MRPS31: variants seen among roughly 807,000 people sequenced by gnomAD.
The protein encoded by MRPS31 is small ribosomal subunit protein mS31.
In MRPS31, 32 loss-of-function variants were observed where a neutral mutation model predicts 43.1. That is an observed-to-expected ratio of 0.74 (90% CI 0.56 to 1.00). MRPS31 has a LOEUF of 1.00. Among genes scored for constraint, MRPS31 ranks in the 50% least tolerant of loss-of-function variants. The pLI, the probability that MRPS31 is intolerant of heterozygous loss-of-function variation, is 0.00. For synonymous variants in MRPS31, 165 were observed against 161.6 expected, an observed-to-expected ratio of 1.02 and a Z score of -0.16; for missense variants, 437 against 466.7, an observed-to-expected ratio of 0.94 and a Z score of 0.59.
chr13:40,758,854 C>G (rs532426972), intron 3 of MRPS31, 94 bp downstream of exon 3: 1 of 1,132,598 alleles, frequency 8.8e-7, no homozygotes, highest in Admixed American at 3.1e-5. Flanking sequence ...ATTCCACTTA[C>G]GTGGTATATA....
intron 1 of MRPS31, 52 bp from the exon 2 acceptor site, chr13:40,767,085 A>G (rs2138019818): frequency 7.0e-7 from 1 of 1,429,814 alleles, no homozygotes; most frequent in Middle Eastern, 2.2e-4. Context: ...AGTCTACAAT[A>G]AAGTAAAAAA....
chr13:40,770,147 C>T (rs1226289741), intron 1 of MRPS31, among the ~76,000 whole-genome samples: 2 of 152,228 alleles, frequency 1.3e-5, no homozygotes, highest in Non-Finnish European at 2.9e-5. Flanking sequence ...GACTACCCTA[C>T]CATTATCCCA....
intron 6 of MRPS31, among the ~76,000 whole-genome samples, chr13:40,741,935 T>A (rs1307568690): frequency 8.2e-6 from 1 of 121,480 alleles, no homozygotes; most frequent in African/African-American, 4.1e-5. Context: ...ACACACACAC[T>A]GCAGGACAAT....
At chr13:40,740,679 C>A (rs1179814943) in intron 6 of MRPS31, among the ~76,000 whole-genome samples, 1 of 140,592 alleles carries the variant, frequency 7.1e-6, no homozygotes, top group Non-Finnish European at 1.5e-5. Flanking sequence ...AGTAAACTAT[C>A]GCAAGAACAA....
intron 6 of MRPS31, among the ~76,000 whole-genome samples, chr13:40,747,294 C>T (rs1880266028): frequency 6.6e-6 from 1 of 152,020 alleles, no homozygotes; most frequent in African/African-American, 2.4e-5. Flanking sequence ...TTGGAACACC[C>T]AAGTTTCTTC....
chr13:40,748,030 A>G (rs573387247), intron 6 of MRPS31, among the ~76,000 whole-genome samples: 2 of 152,324 alleles, frequency 1.3e-5, no homozygotes, highest in African/African-American at 4.8e-5. Context: ...ATTATCAAAA[A>G]TTAAGATATT....
chr13:40,744,921 T>C (rs1367899582), intron 6 of MRPS31, among the ~76,000 whole-genome samples: 4 of 140,940 alleles, frequency 2.8e-5, no homozygotes, highest in Non-Finnish European at 6.2e-5. Flanking sequence ...GCCCATTTTA[T>C]TTTTATTTAT....
At chr13:40,743,082 CA>C (rs1880146286) in intron 6 of MRPS31, among the ~76,000 whole-genome samples, 1 of 152,122 alleles carries the variant, frequency 6.6e-6, no homozygotes, top group Admixed American at 6.5e-5. Context: ...GAAGCTGAGG[CA>C]GGCAGATCAC....
chr13:40,757,450 T>C (rs1293870280), intron 3 of MRPS31, among the ~76,000 whole-genome samples: 3 of 147,198 alleles, frequency 2.0e-5, no homozygotes, highest in African/African-American at 7.5e-5. Flanking sequence ...CTTTTTTTTT[T>C]TTTTTTTTTT....
intron 2 of MRPS31, among the ~76,000 whole-genome samples, chr13:40,761,504 ACT>A (rs1880694171): frequency 6.6e-6 from 1 of 152,146 alleles, no homozygotes; most frequent in Non-Finnish European, 1.5e-5. Flanking sequence ...ATGTAGTTAT[ACT>A]CTCTGGCTTT....
intron 3 of MRPS31, among the ~76,000 whole-genome samples, chr13:40,757,864 C>T (rs1275027769): frequency 2.0e-5 from 3 of 149,970 alleles, no homozygotes; most frequent in South Asian, 2.2e-4. Context: ...CTCCCAAGGC[C>T]GGGTGCAGTG....
In MRPS31 at chr13:40,729,376, T is replaced by C. The variant is rs762497106; in HGVS notation, c.1184A>G (p.Asn395Ser). ...GAAATAAAAATTTCCATGGTCTTAA[T>C]TGAACTGTATGTTACTTTCTTTTAG... ...DILKESNIQF[N>S] is the part of the protein sequence containing the mutation. The change falls in exon 7 of 7, where the codon AAT becomes AGT. Residue 395 changes from asparagine to serine, a missense_variant. Physicochemically the swap from Asn to Ser is conservative, Grantham distance 46 (BLOSUM62 1). Transcript: ENST00000323563. 3.3e-5 allele frequency: 48 copies of C among 1,444,294 alleles called. No individual in the cohort carries two copies. The East Asian group carries it at 3.6e-4, about 11-fold the overall frequency. The allele number at this position is 1,444,294 out of a possible 1,614,324, so 89.5% of individuals were successfully genotyped here. A position where few individuals can be genotyped will look rare whatever the true frequency, so the allele number is the denominator to read the frequency against.
chr13:40,735,767 A>G (rs936283123), intron 6 of MRPS31, among the ~76,000 whole-genome samples: 4 of 150,430 alleles, frequency 2.7e-5, no homozygotes, highest in African/African-American at 4.9e-5. Context: ...CATCCACACC[A>G]AAAACCCATC....
intron 5 of MRPS31, among the ~76,000 whole-genome samples, chr13:40,750,761 TATATATATATATTAC>T: frequency 7.0e-6 from 1 of 142,650 alleles, no homozygotes; most frequent in Non-Finnish European, 1.5e-5. Context: ...TATATATATA[TATATATATATATTAC>T]ATATATATGT....
intron 5 of MRPS31, among the ~76,000 whole-genome samples, chr13:40,753,506 C>T (rs1233146128): frequency 2.6e-5 from 4 of 152,298 alleles, no homozygotes; most frequent in Admixed American, 6.5e-5. Flanking sequence ...ATGTTGACAA[C>T]TGTAGTAACC....
chr13:40,736,774 G>A, intron 6 of MRPS31, among the ~76,000 whole-genome samples: 1 of 148,042 alleles, frequency 6.8e-6, no homozygotes, highest in East Asian at 2.0e-4. Flanking sequence ...AAGAGCTCCT[G>A]AAGGAAGCGC....
chr13:40,734,118 G>T (rs538247767), intron 6 of MRPS31, among the ~76,000 whole-genome samples: 21 of 152,236 alleles, frequency 1.4e-4, no homozygotes, highest in Admixed American at 4.6e-4. Flanking sequence ...GACAAAGCAA[G>T]AAAGACAATG....
chr13:40,762,721 CT>C (rs1880732910), intron 2 of MRPS31, among the ~76,000 whole-genome samples: 1 of 151,524 alleles, frequency 6.6e-6, no homozygotes, highest in African/African-American at 2.4e-5. Flanking sequence ...CAGGCTGTGC[CT>C]GGCCCAACTC....
Position 40,735,626 on chromosome 13 carries a change from G to A in MRPS31, c.959-6025C>T, listed in dbSNP as rs1879874883. 1.3e-5 allele frequency among the ~76,000 whole-genome samples: 2 copies of A among 152,100 alleles called. 1 individual carries two copies. Among genetic ancestry groups the A allele is most frequent in the South Asian group, 4.2e-4 (2 of 4,786 alleles). The stretch of plus-strand genomic sequence containing the variant: ...CTCCTCAAGTGGGTCCCTGACCCCT[G>A]ACCCCCGAGCAGCCTAACTGGGAGG... On this transcript the variant is annotated intron_variant, in intron 6 of 6. Transcript: ENST00000323563.
Sources: allele counts gnomAD v4.1 joint callset (sites outside exome capture counted in the v4.1 genomes callset), GRCh38; gene constraint gnomAD v4.1.1; transcripts MANE v1.5; gene names NCBI Gene and HGNC (gene_info 2026-07-23, HGNC 2026-07-21).